Variants in RPL18 observed in about 807,000 individuals in gnomAD.
The protein encoded by RPL18 is ribosomal protein L18.
A neutral mutation model predicts 25.0 loss-of-function variants in RPL18; 4 were observed. That is an observed-to-expected ratio of 0.16 (90% CI 0.08 to 0.37). RPL18 has a LOEUF of 0.37. Among genes scored for constraint, RPL18 ranks in the 10% least tolerant of loss-of-function variants. The pLI is 1.00. For missense variants in RPL18, 179 were observed against 267.9 expected (o/e 0.67, Z 2.32); for synonymous variants, 129 against 101.6 (o/e 1.27, Z -1.62).
chr19:48,615,852 G>T, intron 6 of RPL18, 25 bp downstream of exon 6: 2 of 1,588,440 alleles, frequency 1.3e-6, no homozygotes, highest in Non-Finnish European at 1.7e-6. Flanking sequence ...TGGGGAGAGG[G>T]CAGGGCTGGG....
intron 3 of RPL18, 106 bp downstream of exon 3, chr19:48,617,210 C>T: frequency 1.1e-6 from 1 of 903,370 alleles, no homozygotes; most frequent in Non-Finnish European, 1.9e-6. Flanking sequence ...TGAGACAAAC[C>T]CTTGATGCCC....
In RPL18 at chr19:48,616,795, T is replaced by G; in HGVS notation, c.228A>C (p.Glu76Asp). Residue 76 changes from glutamate to aspartate, a missense_variant, in exon 4 of 7, where the codon GAA becomes GAC. Transcript: ENST00000549920. ...TCCCCACAACCACGGCCGTCTTGTT[T>G]TCCCGGCCAGGAAGCTTCATCTTCC... Reference protein sequence around the residue: ...MIRKMKLPGRENKTAVVVGTI... With the variant: ...MIRKMKLPGRDNKTAVVVGTI... The G allele has an allele frequency of 6.2e-7, 1 of 1,613,902 alleles. No individual in the cohort carries two copies. Among genetic ancestry groups the G allele is most frequent in the Non-Finnish European group, 8.5e-7 (1 of 1,179,948 alleles).
chr19:48,617,673 AGAGACCC>A (rs2147657635), intron 2 of RPL18, 111 bp downstream of exon 2: 1 of 788,164 alleles, frequency 1.3e-6, no homozygotes, highest in African/African-American at 1.7e-5. Flanking sequence ...GAACAGAACC[AGAGACCC>A]GAGACTGCTC....
chr19:48,617,806 C>A lies in RPL18; in HGVS notation c.75G>T (p.Leu25=). 6.2e-7 allele frequency: 1 copy of A among 1,614,008 alleles called. No individual in the cohort carries two copies. The stretch of plus-strand genomic sequence containing the variant: ...CCAGCCTCACCTTGACCAACAGCCT[C>A]AGGTAGATATCCTGGCTCTTGGGCT... ...RKEPKSQDIY[L]RLLVKLYRFL... Residue 25 remains leucine (L), a synonymous_variant, in exon 2 of 7, where the codon CTG becomes CTT. Coordinates refer to ENST00000549920, the MANE Select transcript of RPL18 (RefSeq NM_000979.4).
chr19:48,619,049 G>C (rs1974289075), intron 1 of RPL18, 92 bp downstream of exon 1: 17 of 1,386,104 alleles, frequency 1.2e-5, no homozygotes, highest in Non-Finnish European at 1.6e-5. Context: ...GGCAGCCGCA[G>C]ACCCCCTGCC....
At position 48,615,824 on chromosome 19, in the gene RPL18, G is replaced by T. The variant is rs113893377; in HGVS notation, c.491+53C>A. 7.3e-6 allele frequency: 11 copies of T among 1,498,314 alleles called. 2 individuals carry two copies. The African/African-American group carries it at 1.1e-4, about 15-fold the overall frequency. 92.8% of individuals were successfully genotyped at this position (1,498,314 alleles called of 1,614,324 possible). A position where few individuals can be genotyped will look rare whatever the true frequency, so the allele number is the denominator to read the frequency against. On this transcript the variant is annotated intron_variant, in intron 6 of 6. Coordinates refer to ENST00000549920, the MANE Select transcript of RPL18 (RefSeq NM_000979.4). ...AAGCAGCCCAAGTGTGGCCAGGCCT[G>T]GCCCTGCAGGCTGAGTCTGGGGAGA...
chr19:48,617,782 C>A lies in RPL18; in HGVS notation c.90+9G>T. The A allele has an allele frequency of 6.2e-7, 1 of 1,611,546 alleles. No homozygotes were observed. The highest frequency in any genetic ancestry group is 1.3e-5 in the African/African-American group (1 of 75,004). On this transcript the variant is annotated intron_variant, in intron 2 of 6. Transcript: ENST00000549920. Reference sequence around the variant, plus strand: ...GACCCTTCCCAAAGACCTCAGGGCCCAGCCTCACCTTGACCAACAGCCTCA... The same window carrying A: ...GACCCTTCCCAAAGACCTCAGGGCCAAGCCTCACCTTGACCAACAGCCTCA...
Position 48,616,088 on chromosome 19 carries a change from G to A in RPL18, c.412C>T (p.Leu138=). 6.2e-7 allele frequency: 1 copy of A among 1,614,172 alleles called. No homozygotes were observed. Among genetic ancestry groups the A allele is most frequent in the Non-Finnish European group, 8.5e-7 (1 of 1,180,016 alleles). The change falls in exon 5 of 7, where the codon CTG becomes TTG. Residue 138 remains leucine (L), a synonymous_variant. Transcript: ENST00000549920. ...LDSPKGCGTV[L]LSGPRKGREV... ...ACCACGTATCACTCACCGGAGAGCA[G>A]GACAGTGCCACAGCCCTTAGGGGAG... is the stretch of plus-strand genomic sequence containing the variant.
At chr19:48,616,688 A>AC (rs762019810) in intron 4 of RPL18, 38 bp downstream of exon 4, 70 of 1,352,092 alleles carry the variant, frequency 5.2e-5, no homozygotes, top group Non-Finnish European at 6.6e-5. Context: ...ACAGTACAGC[A>AC]AGGGTCTGAT....
chr19:48,617,262 AGAC>A, intron 3 of RPL18, 51 bp downstream of exon 3: 3 of 1,391,950 alleles, frequency 2.2e-6, no homozygotes, highest in Non-Finnish European at 3.1e-6. Flanking sequence ...CCTTCCAGAC[AGAC>A]AAGACCCAGC....
chr19:48,617,019 A>C (rs1568424960), intron 3 of RPL18, 195 bp from the exon 4 acceptor site: 1 of 702,982 alleles, frequency 1.4e-6, no homozygotes, highest in Non-Finnish European at 2.6e-6. Context: ...CAGACTGTTC[A>C]ATAGGGCCTC....
intron 2 of RPL18, 65 bp downstream of exon 2, chr19:48,617,726 G>T: frequency 7.8e-7 from 1 of 1,290,006 alleles, no homozygotes; most frequent in Non-Finnish European, 1.1e-6. Context: ...GCCAGCACTA[G>T]AATGGAGGAT....
intron 3 of RPL18, 104 bp downstream of exon 3, chr19:48,617,212 T>G (rs1408877797): frequency 2.2e-6 from 2 of 914,304 alleles, no homozygotes; most frequent in African/African-American, 1.6e-5. Flanking sequence ...AGACAAACCC[T>G]TGATGCCCTG....
At position 48,616,342 on chromosome 19, in the gene RPL18, ACAG is replaced by A. The variant is rs1034785684; in HGVS notation, c.298-143_298-141del. 3.2e-5 allele frequency: 32 copies of A among 1,013,294 alleles called. No individual in the cohort carries two copies. The Middle Eastern group carries it at 7.3e-4, about 23-fold the overall frequency. 62.8% of individuals were successfully genotyped at this position (1,013,294 alleles called of 1,614,324 possible). ...TTACTACCCGGAGCACCCTGGGCTGACAGCAGCAGTTCTCAACACTTCCGGAAC... is the reference window on the plus strand; with the variant it reads ...TTACTACCCGGAGCACCCTGGGCTGACAGCAGTTCTCAACACTTCCGGAAC... On this transcript the variant is annotated intron_variant, in intron 4 of 6. Coordinates refer to ENST00000549920, the MANE Select transcript of RPL18 (RefSeq NM_000979.4).
At chr19:48,617,589 A>AAAT in intron 2 of RPL18, 166 bp from the exon 3 acceptor site, 1 of 693,892 alleles carries the variant, frequency 1.4e-6, no homozygotes, top group Non-Finnish European at 2.5e-6. Flanking sequence ...CTGGCCAAGG[A>AAAT]CCTAGAAAAT....
rs774339729 is a variant in RPL18 at position 48,615,440 on chromosome 19, C to T, written c.499G>A (p.Val167Ile). The T allele has an allele frequency of 9.3e-6, 15 of 1,612,686 alleles. No individual in the cohort carries two copies. The highest frequency in any genetic ancestry group is 6.6e-5 in the South Asian group (6 of 90,724). ...GTPHSHTKPY[V>I]RSKGRKFERA... is the part of the protein sequence containing the mutation. ...TCGAACTTCCGGCCCTTGGAGCGGA[C>T]GTAGGGTCTGTGGGGAGAGGAGGGA... Residue 167 changes from valine to isoleucine, a missense_variant, in exon 7 of 7, where the codon GTC becomes ATC. Physicochemically the swap from Val to Ile is conservative, Grantham distance 29 (BLOSUM62 3). Transcript: ENST00000549920.
At chr19:48,619,103 C>T (rs1347951607) in intron 1 of RPL18, 38 bp downstream of exon 1, 1 of 1,531,314 alleles carries the variant, frequency 6.5e-7, no homozygotes, top group Non-Finnish European at 8.8e-7. Context: ...CGGATGGCAG[C>T]GGATTATCCA....
chr19:48,617,023 G>A, intron 3 of RPL18, 199 bp from the exon 4 acceptor site: 1 of 702,870 alleles, frequency 1.4e-6, no homozygotes, highest in South Asian at 1.5e-5. Context: ...CTGTTCAATA[G>A]GGCCTCCCTC....
At chr19:48,618,044 A>T (rs1974236858) in intron 1 of RPL18, 167 bp from the exon 2 acceptor site, 1 of 579,122 alleles carries the variant, frequency 1.7e-6, no homozygotes, top group African/African-American at 1.9e-5. Context: ...TCCCTCTGTA[A>T]AAAGGGGCTG....
Sources: gnomAD v4.1 joint callset for allele counts on GRCh38, gnomAD v4.1.1 for gene constraint, MANE v1.5 for transcripts, NCBI Gene and HGNC (gene_info 2026-07-23, HGNC 2026-07-21) for gene names.